Variants in ANTXR1 observed in about 807,000 individuals in gnomAD.
ANTXR1 encodes ANTXR cell adhesion molecule 1, also known as anthrax toxin receptor 1.
Under a neutral mutation model 78.1 loss-of-function variants are expected in ANTXR1, and 19 were observed. That is an observed-to-expected ratio of 0.24 (90% CI 0.17 to 0.36). ANTXR1 has a LOEUF of 0.36. Among genes scored for constraint, ANTXR1 ranks in the 10% least tolerant of loss-of-function variants. The probability of loss-of-function intolerance (pLI) is 1.00; values close to 1 mark genes in which losing one functional copy is unlikely to be tolerated. For missense variants in ANTXR1, 518 were observed against 718.6 expected (o/e 0.72, Z 3.19); for synonymous variants, 273 against 260.5 (o/e 1.05, Z -0.46).
chr2:69,214,969 A>C (rs966720073), intron 17 of ANTXR1, among the ~76,000 whole-genome samples: 128 of 152,212 alleles, frequency 8.4e-4, no homozygotes, highest in African/African-American at 3.1e-3. Flanking sequence ...GTCCTATTAC[A>C]TAGCCTCTTG....
chr2:69,151,379 A>G (rs1259862508), intron 12 of ANTXR1, among the ~76,000 whole-genome samples: 1 of 151,960 alleles, frequency 6.6e-6, no homozygotes, highest in East Asian at 1.9e-4. Context: ...AGCTGTAGGG[A>G]GGCAGGGTGG....
chr2:69,091,655 A>G (rs4854472), intron 9 of ANTXR1, among the ~76,000 whole-genome samples: 84,953 of 151,748 alleles, frequency 0.56, 24,130 homozygotes, highest in East Asian at 0.76. Context: ...ATACTGCTAT[A>G]CTAAAGTTTT....
intron 10 of ANTXR1, among the ~76,000 whole-genome samples, chr2:69,115,122 C>T (rs559217155): frequency 6.6e-6 from 1 of 152,228 alleles, no homozygotes; most frequent in South Asian, 2.1e-4. Flanking sequence ...TCTCTACCCA[C>T]TAGATGCCAA....
At chr2:69,015,501 T>C (rs940599558) in intron 1 of ANTXR1, among the ~76,000 whole-genome samples, 1 of 147,472 alleles carries the variant, frequency 6.8e-6, no homozygotes, top group Non-Finnish European at 1.5e-5. Context: ...TAATGATTCA[T>C]TAATTTAAAA....
chr2:69,221,213 G>C (rs76409656), intron 17 of ANTXR1, among the ~76,000 whole-genome samples: 1 of 152,074 alleles, frequency 6.6e-6, no homozygotes, highest in Admixed American at 6.5e-5. Context: ...AGTGGATGCT[G>C]TTCCTCAAAA....
At chr2:69,025,735 A>G (rs184960830) in intron 1 of ANTXR1, among the ~76,000 whole-genome samples, 2 of 152,354 alleles carry the variant, frequency 1.3e-5, no homozygotes, top group African/African-American at 4.8e-5. Context: ...CACTAAGCAT[A>G]AATAACCGTT....
chr2:69,115,891 C>T (rs1672128890), intron 10 of ANTXR1, among the ~76,000 whole-genome samples: 1 of 152,208 alleles, frequency 6.6e-6, no homozygotes, highest in South Asian at 2.1e-4. Context: ...GGTTCTGCCA[C>T]TTTAAAGGCA....
chr2:69,225,679 G>A (rs1165742593), intron 17 of ANTXR1, among the ~76,000 whole-genome samples: 5 of 151,926 alleles, frequency 3.3e-5, no homozygotes, highest in South Asian at 2.1e-4. Flanking sequence ...GGAGAGAGGC[G>A]AGCTGAGAAA....
chr2:69,244,189 C>T (rs1675959836), intron 17 of ANTXR1, among the ~76,000 whole-genome samples: 1 of 152,214 alleles, frequency 6.6e-6, no homozygotes, highest in South Asian at 2.1e-4. Flanking sequence ...GACAGGGCTA[C>T]TTAAGGCTGG....
intron 12 of ANTXR1, among the ~76,000 whole-genome samples, chr2:69,126,615 G>A (rs1672548875): frequency 6.6e-6 from 1 of 151,992 alleles, no homozygotes; most frequent in Non-Finnish European, 1.5e-5. Context: ...CCAAGAAACA[G>A]CCACTGCCCT....
intron 16 of ANTXR1, among the ~76,000 whole-genome samples, chr2:69,188,852 C>A (rs186204512): frequency 6.6e-6 from 1 of 152,332 alleles, no homozygotes; most frequent in African/African-American, 2.4e-5. Flanking sequence ...TTAGAAGACT[C>A]TTCTATGGCA....
intron 17 of ANTXR1, among the ~76,000 whole-genome samples, chr2:69,236,299 TGA>T (rs1260738459): frequency 1.3e-5 from 2 of 152,206 alleles, no homozygotes; most frequent in African/African-American, 2.4e-5. Context: ...TATATATATG[TGA>T]GTTTGTGTAT....
At chr2:69,128,238 A>ATAT (rs1333957873) in intron 12 of ANTXR1, among the ~76,000 whole-genome samples, 1 of 152,074 alleles carries the variant, frequency 6.6e-6, no homozygotes, top group Non-Finnish European at 1.5e-5. Context: ...AAAAAAAAAA[A>ATAT]AAATTTGTTT....
intron 17 of ANTXR1, among the ~76,000 whole-genome samples, chr2:69,235,100 C>A (rs998322996): frequency 5.3e-5 from 8 of 149,656 alleles, no homozygotes; most frequent in African/African-American, 2.0e-4. Context: ...CTTGGCTCAC[C>A]GCAACCTCCA....
intron 3 of ANTXR1, among the ~76,000 whole-genome samples, chr2:69,052,973 T>C (rs558091925): frequency 1.3e-5 from 2 of 152,352 alleles, no homozygotes; most frequent in African/African-American, 4.8e-5. Context: ...TTTCCACATG[T>C]GTATGACCTT....
intron 10 of ANTXR1, among the ~76,000 whole-genome samples, chr2:69,115,677 A>G (rs894478661): frequency 6.6e-6 from 1 of 152,220 alleles, no homozygotes; most frequent in Non-Finnish European, 1.5e-5. Flanking sequence ...TGTCCTGGGT[A>G]TCTATAGAAT....
At position 69,117,825 on chromosome 2, in the gene ANTXR1, T is replaced by G. The variant is rs577900892; in HGVS notation, c.803-5192T>G. Among the ~76,000 whole-genome samples, 9 of 152,284 alleles carry G rather than the reference T, an allele frequency of 5.9e-5. No individual in the cohort carries two copies. In the South Asian group the frequency reaches 1.9e-3, roughly 32 times the overall value. On this transcript the variant is annotated intron_variant, in intron 10 of 17. Transcript: ENST00000303714. ...AGAATGTGTGTCCCTAGTCACACACTAGTAAGAAAAGGGCTCAGATTTGAG... is the reference window on the plus strand; with the variant it reads ...AGAATGTGTGTCCCTAGTCACACACGAGTAAGAAAAGGGCTCAGATTTGAG...
intron 17 of ANTXR1, among the ~76,000 whole-genome samples, chr2:69,208,604 C>G (rs1301709964): frequency 6.6e-6 from 1 of 152,146 alleles, no homozygotes; most frequent in Non-Finnish European, 1.5e-5. Flanking sequence ...AATGTGGTTA[C>G]TAGAAAACTT....
At chr2:69,232,255 T>C (rs187656087) in intron 17 of ANTXR1, among the ~76,000 whole-genome samples, 245 of 152,262 alleles carry the variant, frequency 1.6e-3, no homozygotes, top group Non-Finnish European at 2.9e-3. Context: ...TTAATGGATA[T>C]TTAACAGCAC....
Sources: gnomAD v4.1 joint callset for allele counts (sites outside exome capture counted in the v4.1 genomes callset) on GRCh38, gnomAD v4.1.1 for gene constraint, MANE v1.5 for transcripts, NCBI Gene and HGNC (gene_info 2026-07-23, HGNC 2026-07-21) for gene names.